The following HDAC1 variants were observed in gnomAD, a reference collection of about 807,000 sequenced individuals.
HDAC1 encodes histone deacetylase 1.
HDAC1 carries 18 observed loss-of-function variants against 65.5 expected under a neutral mutation model. The observed-to-expected ratio is 0.27, with a 90% CI of 0.19 to 0.41. The LOEUF (loss-of-function observed/expected upper bound fraction) is 0.41. HDAC1 is among the 10% of genes least tolerant of loss of function. HDAC1 has a pLI of 1.00. For synonymous variants in HDAC1, 211 were observed against 227.9 expected (o/e 0.93, Z 0.67); for missense variants, 373 against 625.2 (o/e 0.60, Z 4.30).
chr1:32,322,263 C>G (rs1641158108), intron 3 of HDAC1, among the ~76,000 whole-genome samples: 1 of 151,848 alleles, frequency 6.6e-6, no homozygotes, highest in Non-Finnish European at 1.5e-5. Context: ...TCATTGATGT[C>G]TCAGCAGTTA....
chr1:32,315,668 T>G (rs1056562384), intron 2 of HDAC1, among the ~76,000 whole-genome samples: 1 of 150,252 alleles, frequency 6.7e-6, no homozygotes, highest in Non-Finnish European at 1.5e-5. Flanking sequence ...TATATAATAA[T>G]AAGTAATAAT....
At chr1:32,303,736 C>T (rs926720974) in intron 2 of HDAC1, among the ~76,000 whole-genome samples, 3 of 152,066 alleles carry the variant, frequency 2.0e-5, no homozygotes, top group African/African-American at 7.2e-5. Flanking sequence ...CTGGCCTGCA[C>T]CTGTAGTCCC....
chr1:32,328,916 T>C (rs1369849733), intron 6 of HDAC1, 152 bp from the exon 7 acceptor site: 1 of 641,304 alleles, frequency 1.6e-6, no homozygotes, highest in Non-Finnish European at 2.8e-6. Flanking sequence ...GTGAAGAGAA[T>C]GGTACTAACA....
chr1:32,302,544 C>T (rs182337321), intron 1 of HDAC1, 77 bp from the exon 2 acceptor site: 32 of 679,372 alleles, frequency 4.7e-5, no homozygotes, highest in African/African-American at 4.7e-4. Context: ...ACTGGGAGTT[C>T]GCTGTAAAAA....
In HDAC1 at chr1:32,327,254, C is replaced by CGGCA. The variant is rs1392099573; in HGVS notation, c.494+178_494+181dup. ...TGGGGTCTTGGTTTGATCTGAGCCA[C>CGGCA]GGCATGATCAGGGGCAGATGCTGCT... On this transcript the variant is annotated intron_variant, in intron 5 of 13. Coordinates refer to ENST00000373548, the MANE Select transcript of HDAC1 (RefSeq NM_004964.3). The surrounding 1 kb of genome is among the most constrained non-coding windows in gnomAD (Gnocchi z 6.0). 7.7e-5 allele frequency: 50 copies of CGGCA among 650,932 alleles called. 1 individual carries two copies. The South Asian group carries it at 8.9e-4, about 12-fold the overall frequency. 40.3% of individuals were successfully genotyped at this position (650,932 alleles called of 1,614,324 possible).
chr1:32,294,780 C>G (rs1479862535), intron 1 of HDAC1, among the ~76,000 whole-genome samples: 3 of 151,440 alleles, frequency 2.0e-5, no homozygotes, highest in Non-Finnish European at 2.9e-5. Context: ...TCCCAAAGTG[C>G]TGGGATTACA....
At position 32,305,785 on chromosome 1, in the gene HDAC1, A is replaced by G. The variant is rs533965750; in HGVS notation, c.162+3052A>G. ...GTCACCACACTCGGCTAATTTTTAT[A>G]TTTTTGTAGAGATGGGGTTTTGCTG... On this transcript the variant is annotated intron_variant, in intron 2 of 13. Transcript: ENST00000373548. Among the ~76,000 whole-genome samples, 24 of 151,802 alleles carry G rather than the reference A, an allele frequency of 1.6e-4. No individual in the cohort carries two copies. The South Asian group carries it at 5.0e-3, about 32-fold the overall frequency.
chr1:32,316,117 C>G (rs1641059075), intron 2 of HDAC1, among the ~76,000 whole-genome samples: 1 of 151,904 alleles, frequency 6.6e-6, no homozygotes, highest in South Asian at 2.1e-4. Context: ...CCTGTCTCTA[C>G]TAAAAATACA....
chr1:32,326,094 C>T (rs1641213725), intron 4 of HDAC1, among the ~76,000 whole-genome samples: 1 of 152,132 alleles, frequency 6.6e-6, no homozygotes, highest in Admixed American at 6.5e-5. Flanking sequence ...TTATCTTTTA[C>T]TTCTTCTGGG....
intron 4 of HDAC1, among the ~76,000 whole-genome samples, chr1:32,324,848 G>A (rs143463281): frequency 3.3e-5 from 5 of 152,152 alleles, no homozygotes; most frequent in Non-Finnish European, 5.9e-5. Context: ...ATGGTGACTC[G>A]TGCCTGTAGT....
Position 32,292,519 on chromosome 1 carries a change from G to A in HDAC1, c.49+301G>A, listed in dbSNP as rs1200021869. 6.1e-6 allele frequency: 5 copies of A among 822,184 alleles called. No homozygotes were observed. The African/African-American group carries it at 9.2e-5, about 15-fold the overall frequency. The allele number at this position is 822,184 out of a possible 1,614,324, so 50.9% of individuals were successfully genotyped here. A position where few individuals can be genotyped will look rare whatever the true frequency, so the allele number is the denominator to read the frequency against. On this transcript the variant is annotated intron_variant, in intron 1 of 13. Coordinates refer to ENST00000373548, the MANE Select transcript of HDAC1 (RefSeq NM_004964.3). ...CCTAGAGGGGAGGGTGCGTCGGAGC[G>A]GGGAGGCTGAATCTGATGGAGACGG...
At chr1:32,312,541 A>G (rs1641004664) in intron 2 of HDAC1, among the ~76,000 whole-genome samples, 1 of 151,314 alleles carries the variant, frequency 6.6e-6, no homozygotes, top group Admixed American at 6.6e-5. Flanking sequence ...TTATATTTTT[A>G]GTAGAGATGG....
intron 3 of HDAC1, among the ~76,000 whole-genome samples, chr1:32,318,722 C>T (rs1641097909): frequency 6.6e-6 from 1 of 152,116 alleles, no homozygotes; most frequent in African/African-American, 2.4e-5. Context: ...TTATTATTTA[C>T]AAACTTATCA....
Position 32,292,148 on chromosome 1 carries a change from G to C in HDAC1, c.-22G>C. On this transcript the variant is annotated 5_prime_UTR_variant, in exon 1 of 14. Coordinates refer to ENST00000373548, the MANE Select transcript of HDAC1 (RefSeq NM_004964.3). ...GGGAGGGCGGACGGACCGACTGACG[G>C]TAGGGACGGGAGGCGAGCAAGATGG... 1 of 1,547,762 alleles carries C rather than the reference G, an allele frequency of 6.5e-7. No homozygotes were observed. The highest frequency in any genetic ancestry group is 1.4e-5 in the African/African-American group (1 of 73,068).
chr1:32,330,870 A>G lies in HDAC1; in HGVS notation c.941A>G (p.Tyr314Cys). ...TIRNVARCWT[Y>C]ETAVALDTEI... ...CGTAACGTTGCCCGGTGCTGGACATATGAGACAGCTGTGGCCCTGGATACG... is the reference window on the plus strand; with the variant it reads ...CGTAACGTTGCCCGGTGCTGGACATGTGAGACAGCTGTGGCCCTGGATACG... Residue 314 changes from tyrosine (Y) to cysteine (C), a missense_variant, in exon 9 of 14, where the codon TAT becomes TGT. Tyr to Cys is a radical substitution (Grantham distance 194, BLOSUM62 -2). Transcript: ENST00000373548. The surrounding 1 kb of genome is among the most constrained non-coding windows in gnomAD (Gnocchi z 4.2). 6.2e-7 allele frequency: 1 copy of G among 1,614,164 alleles called. No homozygotes were observed. The highest frequency in any genetic ancestry group is 8.5e-7 in the Non-Finnish European group (1 of 1,180,018).
chr1:32,322,636 C>T (rs1641162851), intron 3 of HDAC1, among the ~76,000 whole-genome samples: 1 of 152,208 alleles, frequency 6.6e-6, no homozygotes, highest in African/African-American at 2.4e-5. Flanking sequence ...GAGTCTACAG[C>T]CTCCAGGTGT....
intron 1 of HDAC1, among the ~76,000 whole-genome samples, chr1:32,292,842 C>CT (rs139429121): frequency 0.018 from 2,737 of 152,214 alleles, 37 homozygotes; most frequent in Non-Finnish European, 0.025. Context: ...GACCGAAGTT[C>CT]TCTCCGTGTC....
intron 1 of HDAC1, among the ~76,000 whole-genome samples, chr1:32,295,964 G>C (rs943731105): frequency 5.3e-5 from 8 of 152,102 alleles, no homozygotes; most frequent in Non-Finnish European, 8.8e-5. Flanking sequence ...TAGAATTCCA[G>C]GGTGGAATTC....
In HDAC1 at chr1:32,333,112, T is replaced by C; in HGVS notation, c.*68T>C. ...TTCTTCCCCAACCCCTCAGATTTTATATTTTCTATTTCTCTGTGTATTTAT... is the reference window on the plus strand; with the variant it reads ...TTCTTCCCCAACCCCTCAGATTTTACATTTTCTATTTCTCTGTGTATTTAT... On this transcript the variant is annotated 3_prime_UTR_variant, in exon 14 of 14. Coordinates refer to ENST00000373548, the MANE Select transcript of HDAC1 (RefSeq NM_004964.3). 2.5e-6 allele frequency: 3 copies of C among 1,217,576 alleles called. No homozygotes were observed. Among genetic ancestry groups the C allele is most frequent in the Non-Finnish European group, 3.6e-6 (3 of 842,720 alleles). The allele number at this position is 1,217,576 out of a possible 1,614,324, so 75.4% of individuals were successfully genotyped here.
Sources: gnomAD v4.1 joint callset for allele counts (sites outside exome capture counted in the v4.1 genomes callset) on GRCh38, gnomAD v4.1.1 for gene constraint, Gnocchi (gnomAD v3.1) non-coding constraint, MANE v1.5 for transcripts, NCBI Gene and HGNC (gene_info 2026-07-23, HGNC 2026-07-21) for gene names.